CRPPA: variants seen among roughly 807,000 people sequenced by gnomAD.
CRPPA encodes CDP-L-ribitol pyrophosphorylase A.
CRPPA carries 43 observed loss-of-function variants against 52.0 expected under a neutral mutation model. That is an observed-to-expected ratio of 0.83 (90% CI 0.65 to 1.07). The LOEUF is 1.07. Ranked by LOEUF, CRPPA falls within the 50% of genes least tolerant of loss-of-function variation. The pLI is 0.00. For synonymous variants in CRPPA, 250 were observed against 203.5 expected, an observed-to-expected ratio of 1.23 and a Z score of -1.94; for missense variants, 629 against 551.7, an observed-to-expected ratio of 1.14 and a Z score of -1.40.
chr7:16,096,105 G>C (rs1562500740), intron 9 of CRPPA, among the ~76,000 whole-genome samples: 1 of 152,122 alleles, frequency 6.6e-6, no homozygotes, highest in African/African-American at 2.4e-5. Flanking sequence ...CCCTAAGAAA[G>C]CTTCAACAAC....
intron 9 of CRPPA, among the ~76,000 whole-genome samples, chr7:16,106,352 C>A (rs942318085): frequency 6.6e-6 from 1 of 152,204 alleles, no homozygotes; most frequent in Non-Finnish European, 1.5e-5. Flanking sequence ...TGGAGTCCAG[C>A]CTGCAGCCTT....
At chr7:16,399,903 TCAA>T (rs1787756224) in intron 2 of CRPPA, among the ~76,000 whole-genome samples, 1 of 152,014 alleles carries the variant, frequency 6.6e-6, no homozygotes, top group Admixed American at 6.5e-5. Context: ...CGTTATGTGA[TCAA>T]CACGTGTGTG....
chr7:16,408,124 A>AT (rs199832914), intron 1 of CRPPA, among the ~76,000 whole-genome samples: 2,227 of 148,406 alleles, frequency 0.015, 65 homozygotes, highest in African/African-American at 0.052. Context: ...AAAAAAAATA[A>AT]AAAAATAACT....
chr7:16,286,038 A>AAAAAAAAAATAT (rs1784426837), intron 5 of CRPPA, among the ~76,000 whole-genome samples: 1 of 17,504 alleles, frequency 5.7e-5, no homozygotes, highest in African/African-American at 3.8e-4. Context: ...AAAAAAAAAA[A>AAAAAAAAAATAT]ATATAAATAT....
At chr7:16,332,323 A>G (rs1397662721) in intron 3 of CRPPA, among the ~76,000 whole-genome samples, 4 of 152,196 alleles carry the variant, frequency 2.6e-5, no homozygotes, top group Non-Finnish European at 5.9e-5. Flanking sequence ...TTAGAGGGAA[A>G]TGATACAGGT....
At chr7:16,410,180 A>T (rs1788048482) in intron 1 of CRPPA, among the ~76,000 whole-genome samples, 1 of 152,176 alleles carries the variant, frequency 6.6e-6, no homozygotes, top group South Asian at 2.1e-4. Flanking sequence ...GAGAGCTGGG[A>T]TTACTTTCAT....
intron 6 of CRPPA, among the ~76,000 whole-genome samples, chr7:16,275,342 G>A (rs1227280886): frequency 6.6e-6 from 1 of 152,048 alleles, no homozygotes; most frequent in Non-Finnish European, 1.5e-5. Context: ...TGGGGGTCTG[G>A]GTCCAAAGCA....
At chr7:16,333,868 T>G (rs1785615996) in intron 3 of CRPPA, among the ~76,000 whole-genome samples, 2 of 152,152 alleles carry the variant, frequency 1.3e-5, no homozygotes, top group Non-Finnish European at 2.9e-5. Context: ...TGAACTGCTG[T>G]CTTTGACTAT....
chr7:16,417,124 T>A (rs1169876954), intron 1 of CRPPA, among the ~76,000 whole-genome samples: 2 of 151,606 alleles, frequency 1.3e-5, no homozygotes, highest in Admixed American at 6.6e-5. Flanking sequence ...ATGACTATTA[T>A]GAAAAAGCCA....
intron 2 of CRPPA, among the ~76,000 whole-genome samples, chr7:16,394,622 G>A (rs1180911196): frequency 6.6e-6 from 1 of 152,080 alleles, no homozygotes; most frequent in Non-Finnish European, 1.5e-5. Context: ...GTATTCATGG[G>A]TTCCCACCTT....
chr7:16,155,440 A>G (rs139138130), intron 9 of CRPPA, among the ~76,000 whole-genome samples: 194 of 152,240 alleles, frequency 1.3e-3, no homozygotes, highest in African/African-American at 3.8e-3. Flanking sequence ...TTTTCAATAC[A>G]AGTTACACCG....
chr7:16,328,886 A>T lies in CRPPA; in HGVS notation c.685-20259T>A, dbSNP rs186605761. Among the ~76,000 whole-genome samples, 668 of 151,990 alleles carry T rather than the reference A, an allele frequency of 4.4e-3. 3 individuals are homozygous for T. The highest frequency in any genetic ancestry group is 7.3e-3 in the Non-Finnish European group (496 of 67,924). ...TATATGGCAATTTGGGGTTTCTTTT[A>T]AACATGATAGCCTGCCAACTATCAA... On this transcript the variant is annotated intron_variant, in intron 3 of 9. Transcript: ENST00000407010.
At chr7:16,158,497 G>A (rs569971895) in intron 9 of CRPPA, among the ~76,000 whole-genome samples, 1 of 152,100 alleles carries the variant, frequency 6.6e-6, no homozygotes, top group East Asian at 1.9e-4. Flanking sequence ...AGGGACAGGT[G>A]GAAATTTTCT....
chr7:16,189,921 T>C (rs761264089), intron 9 of CRPPA, among the ~76,000 whole-genome samples: 16 of 152,154 alleles, frequency 1.1e-4, no homozygotes, highest in Non-Finnish European at 1.5e-4. Context: ...TTGATACCCA[T>C]CTTTCTTTTT....
chr7:16,331,493 C>G (rs1002515936), intron 3 of CRPPA, among the ~76,000 whole-genome samples: 2 of 152,052 alleles, frequency 1.3e-5, no homozygotes, highest in Non-Finnish European at 1.5e-5. Context: ...AACACAGAAA[C>G]CAGCTTAAAT....
At chr7:16,411,108 G>T (rs1334554782) in intron 1 of CRPPA, among the ~76,000 whole-genome samples, 3 of 152,180 alleles carry the variant, frequency 2.0e-5, no homozygotes, top group African/African-American at 7.2e-5. Context: ...TAAGATATAT[G>T]GAATGTTTGC....
chr7:16,279,716 G>C (rs746766768), intron 5 of CRPPA, among the ~76,000 whole-genome samples: 20 of 152,152 alleles, frequency 1.3e-4, no homozygotes, highest in Non-Finnish European at 2.4e-4. Context: ...TGGGAGAAAG[G>C]AGCTTTGCAA....
intron 6 of CRPPA, among the ~76,000 whole-genome samples, chr7:16,277,773 A>C (rs1388324843): frequency 6.6e-6 from 1 of 152,038 alleles, no homozygotes; most frequent in Non-Finnish European, 1.5e-5. Context: ...CTCCCTCTTC[A>C]TAATCTCTCT....
chr7:16,356,387 G>T (rs1786295805), intron 3 of CRPPA, among the ~76,000 whole-genome samples: 2 of 152,130 alleles, frequency 1.3e-5, no homozygotes, highest in African/African-American at 2.4e-5. Context: ...AATGACTGTG[G>T]TGTATTAAAG....
Sources: allele counts gnomAD v4.1 joint callset (sites outside exome capture counted in the v4.1 genomes callset), GRCh38; gene constraint gnomAD v4.1.1; transcripts MANE v1.5; gene names NCBI Gene and HGNC (gene_info 2026-07-23, HGNC 2026-07-21).